Variants in RCOR2 observed in about 807,000 individuals in gnomAD.
RCOR2 encodes REST corepressor 2.
A neutral mutation model predicts 58.9 loss-of-function variants in RCOR2; 19 were observed. The ratio of observed to expected loss-of-function variants is 0.32; its 90% CI spans 0.23 to 0.47. RCOR2 has a LOEUF of 0.47. RCOR2 is among the 20% of genes least tolerant of loss of function. RCOR2 has a pLI of 1.00. For synonymous variants in RCOR2, 286 were observed against 278.7 expected (o/e 1.03, Z -0.26); for missense variants, 590 against 707.9 (o/e 0.83, Z 1.89).
In RCOR2 at chr11:63,911,799, C is replaced by T; in HGVS notation, c.*66G>A. 1 of 1,469,132 alleles carries T rather than the reference C, an allele frequency of 6.8e-7. No homozygotes were observed. The highest frequency in any genetic ancestry group is 8.9e-7 in the Non-Finnish European group (1 of 1,125,202). The allele number at this position is 1,469,132 out of a possible 1,614,324, so 91.0% of individuals were successfully genotyped here. A position where few individuals can be genotyped will look rare whatever the true frequency, so the allele number is the denominator to read the frequency against. ...TAGTCCCTTCTGTCCTCAGTGACAC[C>T]AGAGATGCCTGGGGATGGCCAGCAA... On this transcript the variant is annotated 3_prime_UTR_variant, in exon 12 of 12. Transcript: ENST00000301459.
At chr11:63,912,275 T>C in intron 11 of RCOR2, 30 bp downstream of exon 11, 1 of 1,599,586 alleles carries the variant, frequency 6.3e-7, no homozygotes, top group Non-Finnish European at 8.6e-7. Context: ...GCCTCTCCTC[T>C]CTGAGGGGTT....
the RCOR2 span, among the ~76,000 whole-genome samples, chr11:63,923,807 C>T: frequency 6.6e-6 from 1 of 152,202 alleles, no homozygotes; most frequent in Non-Finnish European, 1.5e-5. Flanking sequence ...CTGGACTCAG[C>T]ATCACTTGCT....
Position 63,915,586 on chromosome 11 carries a change from A to G in RCOR2, c.153T>C (p.Asn51=), listed in dbSNP as rs1396276518. The G allele has an allele frequency of 2.2e-6, 3 of 1,366,860 alleles. No homozygotes were observed. The highest frequency in any genetic ancestry group is 1.6e-5 in the African/African-American group (1 of 61,734). The allele number at this position is 1,366,860 out of a possible 1,614,324, so 84.7% of individuals were successfully genotyped here. A position where few individuals can be genotyped will look rare whatever the true frequency, so the allele number is the denominator to read the frequency against. The change falls in exon 2 of 12, where the codon AAT becomes AAC. Residue 51 remains asparagine (N), a synonymous_variant. Transcript: ENST00000301459. ...SHDSMIRVGT[N]YQAVIPECKP... is the part of the protein sequence containing the mutation. ...TGCACTCCGGAATTACGGCCTGGTA[A>G]TTGGTTCCAACGCGGATCATGCTGT...
upstream of RCOR2, among the ~76,000 whole-genome samples, chr11:63,922,010 C>G (rs1228431988): frequency 6.6e-6 from 1 of 152,178 alleles, no homozygotes; most frequent in Non-Finnish European, 1.5e-5. Flanking sequence ...ATGCCATTAT[C>G]TCAAGAGTGG....
rs765390187 is a variant in RCOR2, at chr11:63,914,118, C to A, written c.727G>T (p.Val243Phe). 1.2e-6 allele frequency: 2 copies of A among 1,613,764 alleles called. No individual in the cohort carries two copies. Among genetic ancestry groups the A allele is most frequent in the South Asian group, 2.2e-5 (2 of 91,080 alleles). The change falls in exon 8 of 12, where the codon GTC becomes TTC. Residue 243 changes from valine to phenylalanine, a missense_variant. Val to Phe is a conservative substitution (Grantham distance 50). Coordinates refer to ENST00000301459, the MANE Select transcript of RCOR2 (RefSeq NM_173587.4). ...TGGTGGCGGTACTGAGACACCTGGACCTCCTTTTTCCCAGGGCCTGGGCGT... is the reference window on the plus strand; with the variant it reads ...TGGTGGCGGTACTGAGACACCTGGAACTCCTTTTTCCCAGGGCCTGGGCGT... ...NARPGPGKKE[V>F]QVSQYRHHPL...
At chr11:63,913,162 T>TATATATA (rs1491119458) in intron 8 of RCOR2, among the ~76,000 whole-genome samples, 2 of 68,238 alleles carry the variant, frequency 2.9e-5, no homozygotes, top group South Asian at 6.3e-4. Context: ...TTTTTATTTT[T>TATATATA]TATATATATA....
rs1347192064 is a variant in RCOR2 at position 63,912,310 on chromosome 11, C to T, written c.1252G>A (p.Asp418Asn). Residue 418 changes from aspartate (D) to asparagine (N), a missense_variant, in exon 11 of 12, where the codon GAT (aspartate) becomes AAT (asparagine). Around this residue, in one of 3 missense-constraint regions of RCOR2, gnomAD observed 196 missense variants for 210.7 expected, o/e 0.93. Transcript: ENST00000301459. ...PLPAPALEED[D>N]EVQITSVSTS... is the part of the protein sequence containing the mutation. ...TTCTCTCACCCCCTTCTCACCTCAT[C>T]ATCTTCCTCTAGGGCTGGGGCTGGC... The T allele has an allele frequency of 5.6e-6, 9 of 1,612,324 alleles. No homozygotes were observed. Among genetic ancestry groups the T allele is most frequent in the Non-Finnish European group, 7.6e-6 (9 of 1,178,906 alleles).
At position 63,916,736 on chromosome 11, in the gene RCOR2, C is replaced by T; in HGVS notation, c.-280G>A. 2.2e-6 allele frequency: 1 copy of T among 454,790 alleles called. No individual in the cohort carries two copies. Among genetic ancestry groups the T allele is most frequent in the Non-Finnish European group, 3.9e-6 (1 of 255,834 alleles). The allele number at this position is 454,790 out of a possible 1,614,324, so 28.2% of individuals were successfully genotyped here. Reference sequence around the variant, plus strand: ...GTCCGGTGCGGCTGGGGCGTGATTACTATGTACGCCCCTCAGGGTTGGGGT... The same window carrying T: ...GTCCGGTGCGGCTGGGGCGTGATTATTATGTACGCCCCTCAGGGTTGGGGT... On this transcript the variant is annotated 5_prime_UTR_variant, in exon 1 of 12. Coordinates refer to ENST00000301459, the MANE Select transcript of RCOR2 (RefSeq NM_173587.4).
chr11:63,914,872 A>T (rs751826332), intron 4 of RCOR2, 30 bp downstream of exon 4: 2 of 1,612,294 alleles, frequency 1.2e-6, no homozygotes, highest in Middle Eastern at 1.7e-4. Context: ...GTTCCACCCC[A>T]TTCCCAAGTC....
At chr11:63,920,647 A>G (rs76824998), upstream of RCOR2, among the ~76,000 whole-genome samples, 8,132 of 152,110 alleles carry the variant, frequency 0.053, 750 homozygotes, top group African/African-American at 0.19. Flanking sequence ...AGGTGCTTCC[A>G]TCGACTGGGG....
At chr11:63,913,074 C>T in intron 8 of RCOR2, 127 bp from the exon 9 acceptor site, 1 of 771,720 alleles carries the variant, frequency 1.3e-6, no homozygotes, top group East Asian at 2.7e-5. Flanking sequence ...TGCCATCCAC[C>T]ATCTGGCTTG....
chr11:63,923,972 G>A, the RCOR2 span, among the ~76,000 whole-genome samples: 4 of 152,158 alleles, frequency 2.6e-5, no homozygotes, highest in Non-Finnish European at 4.4e-5. Flanking sequence ...GCAATGGCAC[G>A]ATCTTGGCTC....
In RCOR2 at chr11:63,914,444, A is replaced by T; in HGVS notation, c.578T>A (p.Leu193Gln). Residue 193 changes from leucine (L) to glutamine (Q), a missense_variant, in exon 6 of 12, where the codon CTG (leucine) becomes CAG (glutamine). By Grantham distance (113) the Leu-to-Gln change is moderately radical. Transcript: ENST00000301459. ...GTCTTCTTTGTCCTTGCGGCCCCCC[A>T]GCCGCCGGGCCTGTCTGTCCATCAC... The part of the protein sequence containing the change: ...TSVMDRQARR[L>Q]GGRKDKEDSD... The T allele has an allele frequency of 6.2e-7, 1 of 1,613,570 alleles. No homozygotes were observed. Among genetic ancestry groups the T allele is most frequent in the South Asian group, 1.1e-5 (1 of 91,072 alleles).
chr11:63,913,887 C>G (rs1941815851), intron 8 of RCOR2, 67 bp downstream of exon 8: 2 of 1,449,786 alleles, frequency 1.4e-6, no homozygotes, highest in South Asian at 2.3e-5. Context: ...CTCAGCTCCC[C>G]CTAGACTTCA....
Position 63,912,071 on chromosome 11 carries a change from G to A in RCOR2, c.1366C>T (p.Pro456Ser), listed in dbSNP as rs1565159396. 2 of 1,501,900 alleles carry A rather than the reference G, an allele frequency of 1.3e-6. No homozygotes were observed. The highest frequency in any genetic ancestry group is 8.8e-7 in the Non-Finnish European group (1 of 1,133,296). 93.0% of individuals were successfully genotyped at this position (1,501,900 alleles called of 1,614,324 possible). ...LSQPPPLLRP[P>S]LPTAPTLLRQ... ...AGCAGAGTGGGAGCCGTGGGCAAAG[G>A]TGGCCTCAGCAGCGGGGGTGGCTGG... The change falls in exon 12 of 12, where the codon CCT becomes TCT. Residue 456 changes from proline to serine, a missense_variant. Physicochemically the swap from Pro to Ser is moderately conservative, Grantham distance 74. This residue lies in a region of RCOR2 where 196 missense variants were observed against 210.7 expected (regional missense o/e 0.93). Transcript: ENST00000301459.
Position 63,916,471 on chromosome 11 carries a change from GC to G in RCOR2, c.-16del. The G allele has an allele frequency of 6.2e-7, 1 of 1,601,780 alleles. No individual in the cohort carries two copies. Reference sequence around the variant, plus strand: ...ACTGAGGGCATTACCCCGCCCAGCTGCCCCGGGGGGCGCAGGAGCCTTCGGA... The same window carrying G: ...ACTGAGGGCATTACCCCGCCCAGCTGCCCGGGGGGCGCAGGAGCCTTCGGA... On this transcript the variant is annotated 5_prime_UTR_variant, in exon 1 of 12. Coordinates refer to ENST00000301459, the MANE Select transcript of RCOR2 (RefSeq NM_173587.4).
At chr11:63,924,463 C>T in the RCOR2 span, among the ~76,000 whole-genome samples, 1 of 152,192 alleles carries the variant, frequency 6.6e-6, no homozygotes, top group East Asian at 1.9e-4. Flanking sequence ...CCTACCTAGG[C>T]TTCCCAAATT....
At chr11:63,916,257 A>G in intron 1 of RCOR2, 73 bp downstream of exon 1, 1 of 1,334,796 alleles carries the variant, frequency 7.5e-7, no homozygotes, top group Non-Finnish European at 1.0e-6. Flanking sequence ...CGTGGTCTGC[A>G]ACTCTTCCCC....
At chr11:63,913,180 A>AT (rs1161435029) in intron 8 of RCOR2, among the ~76,000 whole-genome samples, 2,330 of 103,420 alleles carry the variant, frequency 0.023, 62 homozygotes, top group African/African-American at 0.086. Context: ...ATATATATAT[A>AT]TATATTTTTT....
Sources: gnomAD v4.1 joint callset for allele counts (sites outside exome capture counted in the v4.1 genomes callset) on GRCh38, gnomAD v4.1.1 for gene constraint, gnomAD v4.1.1 regional missense constraint, MANE v1.5 for transcripts, NCBI Gene and HGNC (gene_info 2026-07-23, HGNC 2026-07-21) for gene names.